The following GABRB1 variants were observed in gnomAD, a reference collection of about 807,000 sequenced individuals.
The protein encoded by GABRB1 is gamma-aminobutyric acid receptor subunit beta-1.
GABRB1 carries 17 observed loss-of-function variants against 51.6 expected under a neutral mutation model. The ratio of observed to expected loss-of-function variants is 0.33; its 90% confidence interval spans 0.23 to 0.49. GABRB1 has a LOEUF of 0.49. GABRB1 is among the 20% of genes least tolerant of loss of function. The pLI is 0.99. For missense variants in GABRB1, 410 were observed against 600.6 expected (o/e 0.68, Z 3.32); for synonymous variants, 247 against 218.9 (o/e 1.13, Z -1.14).
chr4:47,151,613 G>C (rs939936910), intron 3 of GABRB1, among the ~76,000 whole-genome samples: 1 of 151,876 alleles, frequency 6.6e-6, no homozygotes, highest in Non-Finnish European at 1.5e-5. Context: ...CTGAATATCC[G>C]ATTAGATCTT....
At chr4:47,241,787 T>C (rs1350128833) in intron 4 of GABRB1, among the ~76,000 whole-genome samples, 1 of 152,224 alleles carries the variant, frequency 6.6e-6, no homozygotes, top group Non-Finnish European at 1.5e-5. Context: ...ACATAAATTA[T>C]AGGTCTGGTT....
chr4:47,128,094 A>T (rs1489967067), intron 3 of GABRB1, among the ~76,000 whole-genome samples: 1 of 151,772 alleles, frequency 6.6e-6, no homozygotes. Context: ...GCCCATAAGA[A>T]ATCCATTTTG....
chr4:47,056,612 T>G (rs533280361), intron 3 of GABRB1, among the ~76,000 whole-genome samples: 15 of 152,214 alleles, frequency 9.9e-5, no homozygotes, highest in African/African-American at 3.4e-4. Flanking sequence ...ATCCATGCCC[T>G]GAAAGACTCA....
chr4:47,132,157 G>A (rs185433718), intron 3 of GABRB1, among the ~76,000 whole-genome samples: 60 of 152,246 alleles, frequency 3.9e-4, no homozygotes, highest in Admixed American at 1.6e-3. Flanking sequence ...ACTAGAAAGC[G>A]TCATTCAGAT....
At chr4:47,163,063 A>G (rs1057198849) in intron 4 of GABRB1, among the ~76,000 whole-genome samples, 4 of 152,052 alleles carry the variant, frequency 2.6e-5, no homozygotes, top group African/African-American at 9.7e-5. Context: ...TATAGCAGAG[A>G]AAGTATGACA....
At position 47,012,391 on chromosome 4, in the gene GABRB1, C is replaced by G. The variant is rs563618578; in HGVS notation, c.-20+18465C>G. Among the ~76,000 whole-genome samples, 5 of 152,198 alleles carry G rather than the reference C, an allele frequency of 3.3e-5. No individual in the cohort carries two copies. The South Asian group carries it at 1.0e-3, about 32-fold the overall frequency. On this transcript the variant is annotated intron_variant, in intron 1 of 3. Coordinates refer to the GABRB1 transcript ENST00000513567. ...AGGCCACAGTGTGTGTTGTTTCCCTCTATGTGTCCAGGTGTTCTCATCATT... is the reference window on the plus strand; with the variant it reads ...AGGCCACAGTGTGTGTTGTTTCCCTGTATGTGTCCAGGTGTTCTCATCATT...
intron 4 of GABRB1, among the ~76,000 whole-genome samples, chr4:47,301,842 A>G (rs1363094567): frequency 6.6e-6 from 1 of 152,164 alleles, no homozygotes; most frequent in East Asian, 1.9e-4. Flanking sequence ...TACAACTGCA[A>G]TTCTACAGGT....
At chr4:47,266,859 T>C (rs1722660696) in intron 4 of GABRB1, among the ~76,000 whole-genome samples, 1 of 152,104 alleles carries the variant, frequency 6.6e-6, no homozygotes. Context: ...GATGATCTGC[T>C]TAATGCTTTC....
intron 1 of GABRB1, among the ~76,000 whole-genome samples, chr4:47,026,452 A>G (rs1389301875): frequency 2.0e-5 from 3 of 152,100 alleles, no homozygotes; most frequent in Non-Finnish European, 4.4e-5. Context: ...AACAACAGTA[A>G]ACAGTAAAAT....
At position 47,397,852 on chromosome 4, in the gene GABRB1, T is replaced by C. The variant is rs190227882; in HGVS notation, c.545-5466T>C. On this transcript the variant is annotated intron_variant, in intron 5 of 8. Coordinates refer to ENST00000295454, the MANE Select transcript of GABRB1 (RefSeq NM_000812.4). The stretch of plus-strand genomic sequence containing the variant: ...CCTCCCAAAGTGCTAGGATTACAGG[T>C]GTGAGCCACCACACCCAGCCTATTT... 5.0e-3 allele frequency among the ~76,000 whole-genome samples: 761 copies of C among 152,232 alleles called. 7 individuals are homozygous for C. The highest frequency in any genetic ancestry group is 0.017 in the African/African-American group (692 of 41,538).
At chr4:47,244,462 C>T (rs923961637) in intron 4 of GABRB1, among the ~76,000 whole-genome samples, 1 of 152,126 alleles carries the variant, frequency 6.6e-6, no homozygotes, top group Admixed American at 6.5e-5. Flanking sequence ...AGAATGGTAC[C>T]AGCTCCTCTT....
At chr4:47,041,571 G>C (rs369253022) in intron 3 of GABRB1, among the ~76,000 whole-genome samples, 1 of 152,106 alleles carries the variant, frequency 6.6e-6, no homozygotes, top group Non-Finnish European at 1.5e-5. Flanking sequence ...AAGTTGCTAA[G>C]AGTGAATCCC....
chr4:47,255,023 C>T (rs772195557), intron 4 of GABRB1, among the ~76,000 whole-genome samples: 2 of 152,112 alleles, frequency 1.3e-5, no homozygotes, highest in Non-Finnish European at 2.9e-5. Context: ...TTCTCTCTTT[C>T]CTTTGATTGA....
intron 3 of GABRB1, among the ~76,000 whole-genome samples, chr4:47,125,846 C>T (rs1434341685): frequency 6.7e-6 from 1 of 149,972 alleles, no homozygotes; most frequent in Non-Finnish European, 1.5e-5. Flanking sequence ...TGAGCCACCG[C>T]GCCCGGCCCA....
At position 47,425,696 on chromosome 4, in the gene GABRB1, T is replaced by G. The variant is rs774219152; in HGVS notation, c.1103T>G (p.Leu368Arg). 4 of 1,606,010 alleles carry G rather than the reference T, an allele frequency of 2.5e-6. No individual in the cohort carries two copies. Among genetic ancestry groups the G allele is most frequent in the African/African-American group, 1.3e-5 (1 of 74,650 alleles). ...CAGGTCGACGCCCACGGTAACATTC[T>G]CCTCAGCACCCTGGAAATCCGGAAT... ...KVQVDAHGNI[L>R]LSTLEIRNET... The change falls in exon 9 of 9, where the codon CTC (leucine) becomes CGC (arginine). Residue 368 changes from leucine to arginine, a missense_variant. Leu to Arg is a moderately radical substitution (Grantham distance 102, BLOSUM62 -2). Transcript: ENST00000295454.
intron 3 of GABRB1, among the ~76,000 whole-genome samples, chr4:47,099,583 G>A (rs1244230406): frequency 3.3e-5 from 5 of 152,030 alleles, no homozygotes; most frequent in Admixed American, 3.3e-4. Flanking sequence ...ATTTTTGAGT[G>A]AGTGGATTGC....
intron 4 of GABRB1, 127 bp downstream of exon 4, chr4:47,161,596 T>G: frequency 1.4e-6 from 1 of 710,278 alleles, no homozygotes; most frequent in South Asian, 1.9e-5. Flanking sequence ...TGTCATATAC[T>G]TATGAAGGTC....
At chr4:47,299,393 GA>G (rs1313771514) in intron 4 of GABRB1, among the ~76,000 whole-genome samples, 2 of 151,888 alleles carry the variant, frequency 1.3e-5, no homozygotes, top group Middle Eastern at 3.2e-3. Context: ...AAATTTACAA[GA>G]AAAAAACAAA....
chr4:47,232,635 A>G (rs1456399850), intron 4 of GABRB1, among the ~76,000 whole-genome samples: 1 of 152,184 alleles, frequency 6.6e-6, no homozygotes, highest in Non-Finnish European at 1.5e-5. Context: ...AAGTTCTAAT[A>G]TGAAACATCA....
Sources: allele counts gnomAD v4.1 joint callset (sites outside exome capture counted in the v4.1 genomes callset), GRCh38; gene constraint gnomAD v4.1.1; transcripts MANE v1.5; gene names NCBI Gene and HGNC (gene_info 2026-07-23, HGNC 2026-07-21).